The following SYNPO2 variants were observed in gnomAD, a reference collection of about 807,000 sequenced individuals.
The protein encoded by SYNPO2 is synaptopodin 2.
In SYNPO2, 56 loss-of-function variants were observed where a neutral mutation model predicts 85.0. The observed-to-expected ratio is 0.66, with a 90% CI of 0.53 to 0.82. The LOEUF (loss-of-function observed/expected upper bound fraction) is 0.82, where lower values mean the gene tolerates loss of function less well. Among genes scored for constraint, SYNPO2 ranks in the 40% least tolerant of loss-of-function variants. The pLI, the probability that SYNPO2 is intolerant of heterozygous loss-of-function variation, is 0.00. For missense variants in SYNPO2, 1,575 were observed against 1,534.2 expected (o/e 1.03, Z -0.44); for synonymous variants, 602 against 591.1 (o/e 1.02, Z -0.27).
At chr4:119,029,136 C>T (rs911813904) in intron 3 of SYNPO2, among the ~76,000 whole-genome samples, 3 of 151,924 alleles carry the variant, frequency 2.0e-5, no homozygotes, top group African/African-American at 4.8e-5. Context: ...ACAAATCTGT[C>T]TAGAAAACTT....
At chr4:119,035,868 C>T (rs946825099) in intron 4 of SYNPO2, 23 of 981,916 alleles carry the variant, frequency 2.3e-5, no homozygotes, top group African/African-American at 3.6e-5. Flanking sequence ...GGTAGACTAA[C>T]GTATGTGAGA....
At chr4:118,951,482 A>G (rs1734694733) in intron 1 of SYNPO2, among the ~76,000 whole-genome samples, 2 of 152,208 alleles carry the variant, frequency 1.3e-5, no homozygotes, top group South Asian at 4.1e-4. Flanking sequence ...TGAATTTTGG[A>G]GGACATTCAG....
chr4:119,039,668 T>C (rs564516349), intron 4 of SYNPO2, among the ~76,000 whole-genome samples: 1 of 152,260 alleles, frequency 6.6e-6, no homozygotes, highest in African/African-American at 2.4e-5. Context: ...CCAACCAGCA[T>C]CACATATTAC....
chr4:119,054,386 G>A (rs575586557), intron 4 of SYNPO2, among the ~76,000 whole-genome samples: 8 of 152,264 alleles, frequency 5.3e-5, no homozygotes, highest in South Asian at 2.1e-4. Context: ...ACCTGCACTC[G>A]GTGGGTCCCA....
At chr4:118,973,540 A>C (rs1735616223) in intron 1 of SYNPO2, among the ~76,000 whole-genome samples, 1 of 152,158 alleles carries the variant, frequency 6.6e-6, no homozygotes, top group Non-Finnish European at 1.5e-5. Flanking sequence ...TCCCTTCACC[A>C]AATGTAAATA....
chr4:118,927,363 T>G (rs1733744058), intron 1 of SYNPO2, among the ~76,000 whole-genome samples: 3 of 152,130 alleles, frequency 2.0e-5, no homozygotes. Flanking sequence ...GACATAATGT[T>G]AGGATCAAAA....
At chr4:118,879,584 C>G (rs1041333945) in intron 1 of SYNPO2, among the ~76,000 whole-genome samples, 2 of 152,172 alleles carry the variant, frequency 1.3e-5, no homozygotes, top group African/African-American at 2.4e-5. Context: ...GCCCTTTGAT[C>G]TTAGACTTCC....
intron 1 of SYNPO2, among the ~76,000 whole-genome samples, chr4:118,984,317 A>G (rs1736138597): frequency 6.6e-6 from 1 of 152,230 alleles, no homozygotes; most frequent in Admixed American, 6.5e-5. Flanking sequence ...TTATAAATAC[A>G]TTAGCTATTT....
chr4:118,865,237 C>A (rs1332756610), intron 1 of SYNPO2, among the ~76,000 whole-genome samples: 3 of 152,154 alleles, frequency 2.0e-5, no homozygotes, highest in Non-Finnish European at 4.4e-5. Flanking sequence ...GAACTCACTG[C>A]GGTAGGAACT....
At chr4:118,855,358 T>C (rs1731486740) in intron 1 of SYNPO2, among the ~76,000 whole-genome samples, 1 of 152,162 alleles carries the variant, frequency 6.6e-6, no homozygotes, top group African/African-American at 2.4e-5. Flanking sequence ...ACGAATTATT[T>C]ATTGAAATAA....
At chr4:118,858,657 G>C (rs1437279451) in intron 1 of SYNPO2, among the ~76,000 whole-genome samples, 3 of 152,042 alleles carry the variant, frequency 2.0e-5, no homozygotes, top group Non-Finnish European at 4.4e-5. Context: ...CATAGGACAG[G>C]TTCCCCTATG....
At chr4:118,970,044 C>A (rs1300966869) in intron 1 of SYNPO2, among the ~76,000 whole-genome samples, 1 of 152,064 alleles carries the variant, frequency 6.6e-6, no homozygotes, top group Non-Finnish European at 1.5e-5. Flanking sequence ...TCTAGGACTT[C>A]TGTTTAATAA....
intron 4 of SYNPO2, among the ~76,000 whole-genome samples, chr4:119,052,480 CCA>C (rs1739085196): frequency 6.6e-6 from 1 of 152,178 alleles, no homozygotes; most frequent in African/African-American, 2.4e-5. Context: ...CTGTCTGGCC[CCA>C]AGAGTAAGAG....
At chr4:118,995,862 TTATCTATCTATCTATCTATCTATC>T (rs34223926) in intron 1 of SYNPO2, among the ~76,000 whole-genome samples, 1 of 148,302 alleles carries the variant, frequency 6.7e-6, no homozygotes, top group Non-Finnish European at 1.5e-5. Context: ...TCTATTTATC[TTATCTATCTATCTATCTATCTATC>T]TATCTATCTA....
chr4:118,908,909 A>G (rs4834718), intron 1 of SYNPO2, among the ~76,000 whole-genome samples: 151,108 of 152,300 alleles, frequency 0.99, 74,975 homozygotes, highest in Middle Eastern at 1. Context: ...TTGCTTAAAG[A>G]TTCCTGACCT....
intron 1 of SYNPO2, among the ~76,000 whole-genome samples, chr4:118,907,336 A>T (rs1427263508): frequency 6.6e-6 from 1 of 152,114 alleles, no homozygotes; most frequent in Non-Finnish European, 1.5e-5. Flanking sequence ...GCCTTCCCCC[A>T]CTAGAAATCC....
intron 1 of SYNPO2, among the ~76,000 whole-genome samples, chr4:118,878,107 A>G (rs1339412383): frequency 6.6e-6 from 1 of 152,224 alleles, no homozygotes; most frequent in African/African-American, 2.4e-5. Flanking sequence ...ACACAGGAAC[A>G]GAAAACCAAG....
chr4:119,046,603 C>T (rs1310062133), intron 4 of SYNPO2, among the ~76,000 whole-genome samples: 2 of 152,196 alleles, frequency 1.3e-5, no homozygotes, highest in African/African-American at 4.8e-5. Context: ...TCTCTTCCCA[C>T]AATAACAAAA....
chr4:118,943,953 C>G (rs765028803), intron 1 of SYNPO2, among the ~76,000 whole-genome samples: 1 of 152,160 alleles, frequency 6.6e-6, no homozygotes, highest in African/African-American at 2.4e-5. Flanking sequence ...TACATACCTA[C>G]GTGGAAGTAA....
Sources: gnomAD v4.1 joint callset for allele counts (sites outside exome capture counted in the v4.1 genomes callset) on GRCh38, gnomAD v4.1.1 for gene constraint, MANE v1.5 for transcripts, NCBI Gene and HGNC (gene_info 2026-07-23, HGNC 2026-07-21) for gene names.